Variants in RANBP2 observed in about 807,000 individuals in gnomAD.
RANBP2 encodes the protein RAN binding protein 2.
In RANBP2, 57 loss-of-function variants were observed where a neutral mutation model predicts 303.6. The observed-to-expected ratio is 0.19, with a 90% confidence interval of 0.15 to 0.23. The LOEUF (loss-of-function observed/expected upper bound fraction) is 0.23, where lower values mean the gene tolerates loss of function less well. Among genes scored for constraint, RANBP2 ranks in the 10% least tolerant of loss-of-function variants. The probability of loss-of-function intolerance (pLI) is 1.00; values close to 1 mark genes in which losing one functional copy is unlikely to be tolerated. For missense variants in RANBP2, 3,138 were observed against 3,780.8 expected, an observed-to-expected ratio of 0.83 and a Z score of 4.46; for synonymous variants, 1,167 against 1,301.5, an observed-to-expected ratio of 0.90 and a Z score of 2.23.
chr2:109,690,224 C>T, the RANBP2 span, among the ~76,000 whole-genome samples: 1 of 152,318 alleles, frequency 6.6e-6, no homozygotes, highest in East Asian at 1.9e-4. Context: ...TGGTTTTATA[C>T]ATTTTAGGGA....
chr2:109,506,142 G>A, the RANBP2 span, among the ~76,000 whole-genome samples: 1 of 152,156 alleles, frequency 6.6e-6, no homozygotes, highest in African/African-American at 2.4e-5. Context: ...CTACCACTTG[G>A]CCTGTGTAGC....
rs1191478432 is a variant in RANBP2, at chr2:108,765,677, C to T, written c.5138C>T (p.Pro1713Leu). ...TPASSETSKA[P>L]KSGFEGMFTK... The stretch of plus-strand genomic sequence containing the variant: ...GCCTCTTCAGAGACAAGCAAGGCTC[C>T]AAAGAGCGGATTTGAGGGAATGTTC... The change falls in exon 20 of 29, where the codon CCA (proline) becomes CTA (leucine). Residue 1713 changes from proline to leucine, a missense_variant. Around this residue, in one of 20 missense-constraint regions of RANBP2, gnomAD observed 51 missense variants for 112.1 expected, o/e 0.45. Coordinates refer to ENST00000283195, the MANE Select transcript of RANBP2 (RefSeq NM_006267.5). 2 of 1,609,598 alleles carry T rather than the reference C, an allele frequency of 1.2e-6. No homozygotes were observed. The highest frequency in any genetic ancestry group is 1.7e-6 in the Non-Finnish European group (2 of 1,178,736).
chr2:109,186,208 A>C, the RANBP2 span, among the ~76,000 whole-genome samples: 1 of 152,254 alleles, frequency 6.6e-6, no homozygotes, highest in Non-Finnish European at 1.5e-5. Context: ...CTCACTGAAA[A>C]GAAGACGAAG....
At chr2:109,314,859 G>A in the RANBP2 span, among the ~76,000 whole-genome samples, 11 of 152,210 alleles carry the variant, frequency 7.2e-5, no homozygotes, top group African/African-American at 2.7e-4. Context: ...AATATTAGAG[G>A]AGACCCTCTG....
the RANBP2 span, chr2:109,732,611 G>T: frequency 2.3e-6 from 1 of 429,578 alleles, no homozygotes; most frequent in South Asian, 1.8e-5. Context: ...CGAGTAGCTG[G>T]GACTATAGGC....
chr2:108,981,316 C>T, the RANBP2 span, among the ~76,000 whole-genome samples: 1 of 152,212 alleles, frequency 6.6e-6, no homozygotes, highest in Non-Finnish European at 1.5e-5. Flanking sequence ...AGGTGGCTAG[C>T]CCATGCCAGT....
chr2:108,966,490 T>C, the RANBP2 span, among the ~76,000 whole-genome samples: 2 of 152,208 alleles, frequency 1.3e-5, no homozygotes, highest in African/African-American at 2.4e-5. Flanking sequence ...TGCAGTTATG[T>C]GGGGTCAGAG....
chr2:109,392,432 G>A, the RANBP2 span, among the ~76,000 whole-genome samples: 1 of 152,102 alleles, frequency 6.6e-6, no homozygotes, highest in Non-Finnish European at 1.5e-5. Flanking sequence ...ACCTCGTGGT[G>A]GATATAAGGG....
chr2:109,074,227 G>A, the RANBP2 span, among the ~76,000 whole-genome samples: 1 of 150,540 alleles, frequency 6.6e-6, no homozygotes, highest in African/African-American at 2.4e-5. Context: ...AATTTAGCCA[G>A]GTGTAGTGGC....
chr2:109,568,095 G>T, the RANBP2 span: 1 of 748,660 alleles, frequency 1.3e-6, no homozygotes, highest in East Asian at 2.7e-5. Flanking sequence ...TAGATCGGGG[G>T]GCTGGCAAAC....
chr2:109,497,212 G>T, the RANBP2 span, among the ~76,000 whole-genome samples: 1 of 152,192 alleles, frequency 6.6e-6, no homozygotes, highest in Admixed American at 6.5e-5. Flanking sequence ...AGTGTCCAGG[G>T]TATAGAAGTA....
At chr2:109,758,655 C>G in the RANBP2 span, 1 of 149,502 alleles carries the variant, frequency 6.7e-6, no homozygotes, top group African/African-American at 2.5e-5. Context: ...GTCTGACCAG[C>G]GAGAAGAGGC....
chr2:109,544,301 CTTCTG>C, the RANBP2 span: 4 of 1,595,146 alleles, frequency 2.5e-6, no homozygotes, highest in Non-Finnish European at 3.4e-6. Flanking sequence ...TGCTCTGGAA[CTTCTG>C]TTTTACAAAA....
chr2:109,445,186 G>A, the RANBP2 span, among the ~76,000 whole-genome samples: 535 of 152,304 alleles, frequency 3.5e-3, 2 homozygotes, highest in Non-Finnish European at 5.9e-3. Flanking sequence ...AAACATGGAG[G>A]ATAGATTGAG....
chr2:108,916,276 ATGTT>A, the RANBP2 span, among the ~76,000 whole-genome samples: 3 of 152,180 alleles, frequency 2.0e-5, no homozygotes, highest in Non-Finnish European at 4.4e-5. Context: ...CTGTCTGTGA[ATGTT>A]TGTCATCTTC....
chr2:109,422,379 A>G, the RANBP2 span, among the ~76,000 whole-genome samples: 5 of 152,176 alleles, frequency 3.3e-5, no homozygotes, highest in Non-Finnish European at 5.9e-5. Flanking sequence ...GCACTGAAAC[A>G]TGAGCCCTTG....
chr2:109,187,088 T>C, the RANBP2 span, among the ~76,000 whole-genome samples: 4 of 149,762 alleles, frequency 2.7e-5, no homozygotes, highest in Admixed American at 1.3e-4. Flanking sequence ...TTTGCTAGCA[T>C]CATGACCACA....
the RANBP2 span, among the ~76,000 whole-genome samples, chr2:109,690,338 T>C: frequency 6.6e-6 from 1 of 152,170 alleles, no homozygotes; most frequent in Non-Finnish European, 1.5e-5. Flanking sequence ...GTGGGAGCAC[T>C]TCCAGGTCAT....
the RANBP2 span, among the ~76,000 whole-genome samples, chr2:109,400,719 C>A: frequency 6.6e-6 from 1 of 152,238 alleles, no homozygotes; most frequent in Non-Finnish European, 1.5e-5. Context: ...TGCACACACA[C>A]AAACGCTGGC....
Sources: gnomAD v4.1 joint callset for allele counts (sites outside exome capture counted in the v4.1 genomes callset) on GRCh38, gnomAD v4.1.1 for gene constraint, gnomAD v4.1.1 regional missense constraint, MANE v1.5 for transcripts, NCBI Gene and HGNC (gene_info 2026-07-23, HGNC 2026-07-21) for gene names.